Variants in MEF2A observed in about 807,000 individuals in gnomAD.
MEF2A encodes the protein myocyte enhancer factor 2A, also known as myocyte-specific enhancer factor 2A.
Under a neutral mutation model 55.8 loss-of-function variants are expected in MEF2A, and 28 were observed. The observed-to-expected ratio is 0.50, with a 90% CI of 0.37 to 0.69. The LOEUF is 0.69. MEF2A is among the 30% of genes least tolerant of loss of function. The pLI, the probability that MEF2A is intolerant of heterozygous loss-of-function variation, is 0.00. For missense variants in MEF2A, 528 were observed against 626.2 expected (o/e 0.84, Z 1.67); for synonymous variants, 239 against 227.1 (o/e 1.05, Z -0.47).
rs528294715 is a variant in MEF2A at position 99,716,127 on chromosome 15, A to G, written c.*3356A>G. 236 of 158,138 alleles carry G rather than the reference A, an allele frequency of 1.5e-3. No homozygotes were observed. The highest frequency in any genetic ancestry group is 2.8e-3 in the Non-Finnish European group (200 of 71,436). 9.8% of individuals were successfully genotyped at this position (158,138 alleles called of 1,614,324 possible). On this transcript the variant is annotated 3_prime_UTR_variant, in exon 12 of 12. Transcript: ENST00000557942. ...ATGTAAAACTTCTATTTCTCTGTAG[A>G]AACTTTCTTCACTTTGCTGTGCAAG...
At chr15:99,618,421 A>C (rs191191503) in intron 2 of MEF2A, among the ~76,000 whole-genome samples, 2 of 152,306 alleles carry the variant, frequency 1.3e-5, no homozygotes, top group Admixed American at 6.5e-5. Context: ...GTTACTGAAG[A>C]GGGTAAAAAA....
intron 7 of MEF2A, chr15:99,681,663 A>AT (rs2053274696): frequency 6.6e-6 from 1 of 152,192 alleles, no homozygotes; most frequent in East Asian, 1.9e-4. Context: ...AGCATTGCCT[A>AT]TTTTTGTTAT....
chr15:99,665,318 GAA>G (rs1333431463), intron 4 of MEF2A, among the ~76,000 whole-genome samples: 1 of 152,052 alleles, frequency 6.6e-6, no homozygotes, highest in African/African-American at 2.4e-5. Flanking sequence ...TAGATAGAAA[GAA>G]AAACAAGCAA....
intron 2 of MEF2A, among the ~76,000 whole-genome samples, chr15:99,604,422 C>T (rs1024965875): frequency 6.6e-6 from 1 of 152,006 alleles, no homozygotes; most frequent in Admixed American, 6.5e-5. Flanking sequence ...TTGAATAATC[C>T]CATCCAGGGT....
intron 1 of MEF2A, among the ~76,000 whole-genome samples, chr15:99,590,692 T>G (rs183253117): frequency 3.9e-5 from 6 of 152,060 alleles, no homozygotes; most frequent in African/African-American, 1.4e-4. Context: ...ACAACATGAA[T>G]CTTGAACTTA....
intron 1 of MEF2A, among the ~76,000 whole-genome samples, chr15:99,573,230 A>G (rs1472689993): frequency 1.3e-5 from 2 of 149,476 alleles, no homozygotes; most frequent in African/African-American, 4.9e-5. Context: ...CGGAGCCTGC[A>G]GTGAGCCAAG....
chr15:99,617,019 TAC>T (rs1215255099), intron 2 of MEF2A, among the ~76,000 whole-genome samples: 3 of 152,196 alleles, frequency 2.0e-5, no homozygotes, highest in Non-Finnish European at 4.4e-5. Flanking sequence ...TTGTCTTTGT[TAC>T]AGTCATTTAT....
chr15:99,585,579 A>C (rs1966938877), intron 1 of MEF2A, among the ~76,000 whole-genome samples: 1 of 152,224 alleles, frequency 6.6e-6, no homozygotes, highest in Non-Finnish European at 1.5e-5. Flanking sequence ...GATGTCTTGG[A>C]CGCAGTGACG....
At chr15:99,635,087 A>G (rs1342609107) in intron 3 of MEF2A, among the ~76,000 whole-genome samples, 1 of 152,154 alleles carries the variant, frequency 6.6e-6, no homozygotes, top group African/African-American at 2.4e-5. Context: ...ACTATATCCC[A>G]AGAGACTGTG....
chr15:99,653,291 A>AGAGACAGCTGTATAGTTTTCAT (rs1340313461), intron 4 of MEF2A, among the ~76,000 whole-genome samples: 4 of 152,238 alleles, frequency 2.6e-5, no homozygotes, highest in African/African-American at 9.6e-5. Context: ...TTAAAATTAA[A>AGAGACAGCTGTATAGTTTTCAT]GAGACAGCTG....
Position 99,703,390 on chromosome 15 carries a change from G to T in MEF2A, c.882+5G>T. 1 of 1,603,636 alleles carries T rather than the reference G, an allele frequency of 6.2e-7. No individual in the cohort carries two copies. Among genetic ancestry groups the T allele is most frequent in the Non-Finnish European group, 8.5e-7 (1 of 1,175,852 alleles). The stretch of plus-strand genomic sequence containing the variant: ...GAGGAAGAGGAATTGGAGTTGGTGA[G>T]TGTGGGTTTCTGCTTGAAGGAAGTT... On this transcript the variant is annotated splice_donor_5th_base_variant and intron_variant, in intron 9 of 11. Transcript: ENST00000557942.
intron 4 of MEF2A, among the ~76,000 whole-genome samples, chr15:99,666,420 C>T (rs962109042): frequency 6.6e-6 from 1 of 151,944 alleles, no homozygotes; most frequent in African/African-American, 2.4e-5. Flanking sequence ...CGGAACATCA[C>T]ACACTGGGGC....
intron 10 of MEF2A, among the ~76,000 whole-genome samples, chr15:99,707,325 G>A (rs553447303): frequency 1.3e-5 from 2 of 152,102 alleles, no homozygotes; most frequent in African/African-American, 2.4e-5. Context: ...TGGCTGTGTC[G>A]AACAGGCTGT....
chr15:99,628,890 C>T (rs1359297154), intron 2 of MEF2A, among the ~76,000 whole-genome samples: 2 of 151,454 alleles, frequency 1.3e-5, no homozygotes, highest in Non-Finnish European at 1.5e-5. Context: ...AAAGTCCCTT[C>T]AATATTTCCT....
rs142240365 is a variant in MEF2A at position 99,614,823 on chromosome 15, A to C, written c.-143+16312A>C. 6.8e-3 allele frequency among the ~76,000 whole-genome samples: 1,031 copies of C among 152,204 alleles called. 11 individuals carry two copies. The highest frequency in any genetic ancestry group is 0.024 in the African/African-American group (980 of 41,524). ...AGTATGTATGAAAGCCCTGAAACAG[A>C]AAGGAGTTAGGAGCTTTCTAAGTAC... is the stretch of plus-strand genomic sequence containing the variant. On this transcript the variant is annotated intron_variant, in intron 2 of 11. Coordinates refer to ENST00000557942, the MANE Select transcript of MEF2A (RefSeq NM_001319206.4).
In MEF2A at chr15:99,674,542, A is replaced by T. The variant is rs1244873843; in HGVS notation, c.540A>T (p.Pro180=). The T allele has an allele frequency of 6.2e-7, 1 of 1,613,822 alleles. No individual in the cohort carries two copies. The highest frequency in any genetic ancestry group is 8.5e-7 in the Non-Finnish European group (1 of 1,179,850). ...TAACAGATTCAAGCATGCTCTCTCC[A>T]CCTCAAACCACATTACATAGAAATG... ...STLTDSSMLS[P]PQTTLHRNVS... is the part of the protein sequence containing the mutation. Residue 180 remains proline (P), a synonymous_variant, in exon 6 of 12, where the codon CCA becomes CCT. Coordinates refer to ENST00000557942, the MANE Select transcript of MEF2A (RefSeq NM_001319206.4).
At chr15:99,633,744 TATA>T (rs2043295370) in intron 3 of MEF2A, among the ~76,000 whole-genome samples, 1 of 152,198 alleles carries the variant, frequency 6.6e-6, no homozygotes, top group Non-Finnish European at 1.5e-5. Context: ...TCAAGGTAAT[TATA>T]ATGATGCTGG....
chr15:99,621,046 T>C (rs1420827183), intron 2 of MEF2A: 2 of 152,190 alleles, frequency 1.3e-5, no homozygotes, highest in Non-Finnish European at 2.9e-5. Context: ...AGTTTCACCA[T>C]GTTGGCCAGG....
At chr15:99,683,973 C>T (rs2153689855) in intron 7 of MEF2A, among the ~76,000 whole-genome samples, 1 of 152,238 alleles carries the variant, frequency 6.6e-6, no homozygotes, top group East Asian at 1.9e-4. Flanking sequence ...GTTTTCCATT[C>T]CTGAGTTACT....
Sources: gnomAD v4.1 joint callset for allele counts (sites outside exome capture counted in the v4.1 genomes callset) on GRCh38, gnomAD v4.1.1 for gene constraint, MANE v1.5 for transcripts, NCBI Gene and HGNC (gene_info 2026-07-23, HGNC 2026-07-21) for gene names.